CHST15: variants seen among roughly 807,000 people sequenced by gnomAD.
The protein encoded by CHST15 is B cell RAG associated protein (GALNAC4S-6ST).
Under a neutral mutation model 53.6 loss-of-function variants are expected in CHST15, and 30 were observed. The observed-to-expected ratio is 0.56, with a 90% confidence interval of 0.42 to 0.76. The LOEUF (loss-of-function observed/expected upper bound fraction) is 0.76. Ranked by LOEUF, CHST15 falls within the 30% of genes least tolerant of loss-of-function variation. The pLI is 0.00. For missense variants in CHST15, 627 were observed against 740.5 expected (o/e 0.85, Z 1.78); for synonymous variants, 296 against 289.8 (o/e 1.02, Z -0.22).
In CHST15 at chr10:124,009,620, G is replaced by A. The variant is rs556170887; in HGVS notation, c.*529C>T. ...TGAGGTTAGCGATCGCAACAAGAGT[G>A]TTTCAGAAGTGAATGTGGTATGATC... On this transcript the variant is annotated 3_prime_UTR_variant, in exon 8 of 8. Coordinates refer to ENST00000435907, the MANE Select transcript of CHST15 (RefSeq NM_001270764.2). 15 of 992,784 alleles carry A rather than the reference G, an allele frequency of 1.5e-5. No homozygotes were observed. The highest frequency in any genetic ancestry group is 3.5e-5 in the African/African-American group (2 of 57,390). The allele number at this position is 992,784 out of a possible 1,614,324, so 61.5% of individuals were successfully genotyped here. A position where few individuals can be genotyped will look rare whatever the true frequency, so the allele number is the denominator to read the frequency against.
At chr10:124,042,265 G>T (rs372346153) in intron 4 of CHST15, 36 bp downstream of exon 4, 1 of 1,579,906 alleles carries the variant, frequency 6.3e-7, no homozygotes. Context: ...CCCCAGGGAG[G>T]GTGCTAGCCC....
intron 1 of CHST15, among the ~76,000 whole-genome samples, chr10:124,049,183 G>A (rs1018451791): frequency 6.6e-6 from 1 of 152,208 alleles, no homozygotes; most frequent in African/African-American, 2.4e-5. Context: ...GCATGTCCAG[G>A]TAGGGGGAGA....
At chr10:124,050,490 C>T (rs1166733643) in intron 1 of CHST15, among the ~76,000 whole-genome samples, 4 of 152,308 alleles carry the variant, frequency 2.6e-5, no homozygotes, top group Admixed American at 6.5e-5. Flanking sequence ...GGCTGTCCCG[C>T]GCACAGTAGG....
chr10:124,009,585 T>G lies in CHST15; in HGVS notation c.*564A>C, dbSNP rs1946355763. 1 of 989,322 alleles carries G rather than the reference T, an allele frequency of 1.0e-6. No individual in the cohort carries two copies. The highest frequency in any genetic ancestry group is 1.7e-5 in the African/African-American group (1 of 57,376). 61.3% of individuals were successfully genotyped at this position (989,322 alleles called of 1,614,324 possible). ...CTCCATTCTCGAAAGACTGCGGTTC[T>G]CTGTCCCAGTGAGGTTAGCGATCGC... On this transcript the variant is annotated 3_prime_UTR_variant, in exon 8 of 8. Transcript: ENST00000435907.
intron 1 of CHST15, among the ~76,000 whole-genome samples, chr10:124,082,704 G>T (rs1320765056): frequency 6.6e-6 from 1 of 152,178 alleles, no homozygotes; most frequent in African/African-American, 2.4e-5. Flanking sequence ...ATGAAACTGT[G>T]GTCTATCCCT....
chr10:124,054,677 A>G (rs1198519854), intron 1 of CHST15, among the ~76,000 whole-genome samples: 2 of 152,194 alleles, frequency 1.3e-5, no homozygotes, highest in Non-Finnish European at 2.9e-5. Context: ...CTATGATCTC[A>G]GGCAACGAAT....
intron 5 of CHST15, among the ~76,000 whole-genome samples, chr10:124,033,593 C>T (rs1947309976): frequency 1.3e-5 from 2 of 152,172 alleles, no homozygotes; most frequent in Admixed American, 6.5e-5. Context: ...TAGAAAAAAT[C>T]GTGACTTCTA....
intron 1 of CHST15, among the ~76,000 whole-genome samples, chr10:124,091,704 G>A (rs1344147627): frequency 6.6e-6 from 1 of 152,256 alleles, no homozygotes; most frequent in East Asian, 1.9e-4. Context: ...CGTGAACAAG[G>A]CGAAGGCGCC....
intron 1 of CHST15, among the ~76,000 whole-genome samples, chr10:124,050,785 CCCAGCCCATGAGGGCTACTGG>C: frequency 6.6e-6 from 1 of 152,204 alleles, no homozygotes; most frequent in South Asian, 2.1e-4. Context: ...TGTGGGGAGT[CCCAGCCCATGAGGGCTACTGG>C]CAGGGTAGGC....
chr10:124,068,443 A>G (rs1003956001), intron 1 of CHST15, among the ~76,000 whole-genome samples: 6 of 152,174 alleles, frequency 3.9e-5, no homozygotes, highest in African/African-American at 1.2e-4. Flanking sequence ...GCTCCTCATC[A>G]TGGTAACCAT....
chr10:124,011,117 C>A, intron 7 of CHST15: 1 of 975,422 alleles, frequency 1.0e-6, no homozygotes, highest in Non-Finnish European at 1.2e-6. Context: ...GAGTGAGAGG[C>A]CCTGAAACAG....
Position 124,009,691 on chromosome 10 carries a change from G to A in CHST15, c.*458C>T, listed in dbSNP as rs985437473. On this transcript the variant is annotated 3_prime_UTR_variant, in exon 8 of 8. Coordinates refer to ENST00000435907, the MANE Select transcript of CHST15 (RefSeq NM_001270764.2). ...TGAATACAGACAGTCTGTGCAACAC[G>A]GCGAGACCCCATCTCTAGGGGGAAA... The A allele has an allele frequency of 1.1e-5, 11 of 1,019,302 alleles. No homozygotes were observed. The African/African-American group carries it at 1.4e-4, about 13-fold the overall frequency. 63.1% of individuals were successfully genotyped at this position (1,019,302 alleles called of 1,614,324 possible).
intron 1 of CHST15, among the ~76,000 whole-genome samples, chr10:124,078,285 C>T (rs1256128062): frequency 6.6e-6 from 1 of 152,210 alleles, no homozygotes; most frequent in East Asian, 1.9e-4. Context: ...ATTCCACGCC[C>T]AACTCTACCA....
Position 124,045,946 on chromosome 10 carries a change from CATT to C in CHST15, c.264_266del (p.Ile88del), listed in dbSNP as rs1439783662. Reference sequence around the variant, plus strand: ...GGATGTAAGAAGCCATTACCAAGGTCATTATTATCAGTCCAAAAACGAGGCTAC... The same window carrying C: ...GGATGTAAGAAGCCATTACCAAGGTCATTATCAGTCCAAAAACGAGGCTAC... On this transcript the variant is annotated inframe_deletion, in exon 2 of 8. Transcript: ENST00000435907. 1 of 1,613,968 alleles carries C rather than the reference CATT, an allele frequency of 6.2e-7. No homozygotes were observed. The highest frequency in any genetic ancestry group is 8.5e-7 in the Non-Finnish European group (1 of 1,180,012).
At chr10:124,068,885 A>C (rs1019278420) in intron 1 of CHST15, among the ~76,000 whole-genome samples, 2 of 152,234 alleles carry the variant, frequency 1.3e-5, no homozygotes, top group Non-Finnish European at 2.9e-5. Context: ...AAACAATAAA[A>C]AGGGGATCAT....
At chr10:124,092,074 CTTCA>C (rs1478784550) in intron 1 of CHST15, among the ~76,000 whole-genome samples, 2 of 151,534 alleles carry the variant, frequency 1.3e-5, no homozygotes, top group African/African-American at 4.8e-5. Flanking sequence ...TTCCACGGCT[CTTCA>C]TTCATTTTCC....
At chr10:124,014,081 C>T (rs1251923737) in intron 6 of CHST15, among the ~76,000 whole-genome samples, 8 of 152,240 alleles carry the variant, frequency 5.3e-5, no homozygotes, top group Non-Finnish European at 1.2e-4. Flanking sequence ...ACTTCCAGCT[C>T]ATCCTCTCAT....
intron 1 of CHST15, among the ~76,000 whole-genome samples, chr10:124,078,232 G>C (rs779629384): frequency 2.0e-5 from 3 of 152,136 alleles, no homozygotes; most frequent in Non-Finnish European, 4.4e-5. Flanking sequence ...GAGGGAGCCC[G>C]GCAAGGTTAA....
At chr10:124,070,739 A>G (rs1948887519) in intron 1 of CHST15, among the ~76,000 whole-genome samples, 1 of 152,072 alleles carries the variant, frequency 6.6e-6, no homozygotes, top group Admixed American at 6.5e-5. Flanking sequence ...GGGATGCAGC[A>G]GTAAACAAAA....
Sources: allele counts gnomAD v4.1 joint callset (sites outside exome capture counted in the v4.1 genomes callset), GRCh38; gene constraint gnomAD v4.1.1; transcripts MANE v1.5; gene names NCBI Gene and HGNC (gene_info 2026-07-23, HGNC 2026-07-21).